STIM1: variants seen among roughly 807,000 people sequenced by gnomAD.
STIM1 encodes the protein stromal interaction molecule 1.
STIM1 carries 25 observed loss-of-function variants against 74.7 expected under a neutral mutation model. The ratio of observed to expected loss-of-function variants is 0.33; its 90% confidence interval spans 0.24 to 0.47. The LOEUF (loss-of-function observed/expected upper bound fraction) is 0.47, where lower values mean the gene tolerates loss of function less well. Ranked by LOEUF, STIM1 falls within the 20% of genes least tolerant of loss-of-function variation. The probability of loss-of-function intolerance (pLI) is 1.00; values close to 1 mark genes in which losing one functional copy is unlikely to be tolerated. For synonymous variants in STIM1, 328 were observed against 348.8 expected, an observed-to-expected ratio of 0.94 and a Z score of 0.66; for missense variants, 728 against 920.8, an observed-to-expected ratio of 0.79 and a Z score of 2.71.
chr11:3,961,589 A>T (rs1189357566), intron 1 of STIM1: 1 of 148,116 alleles, frequency 6.8e-6, no homozygotes, highest in Non-Finnish European at 1.5e-5. Context: ...GCTCACTGCA[A>T]CCTCCACCTC....
intron 1 of STIM1, among the ~76,000 whole-genome samples, chr11:3,922,868 C>T (rs1044590559): frequency 3.3e-5 from 5 of 151,976 alleles, no homozygotes; most frequent in African/African-American, 7.2e-5. Context: ...GAGGCTGAGG[C>T]GGGCGGATCA....
At chr11:3,931,428 T>C (rs1436230930) in intron 1 of STIM1, among the ~76,000 whole-genome samples, 1 of 152,172 alleles carries the variant, frequency 6.6e-6, no homozygotes, top group Non-Finnish European at 1.5e-5. Context: ...AGTAGTGATG[T>C]CACTCCTTGG....
intron 7 of STIM1, among the ~76,000 whole-genome samples, chr11:4,075,439 T>A (rs2094432328): frequency 6.6e-6 from 1 of 152,212 alleles, no homozygotes; most frequent in Non-Finnish European, 1.5e-5. Flanking sequence ...GTAAACCAGA[T>A]TAGTTTTGTC....
At chr11:3,876,816 C>T (rs1259966871) in intron 1 of STIM1, among the ~76,000 whole-genome samples, 1 of 152,050 alleles carries the variant, frequency 6.6e-6, no homozygotes, top group South Asian at 2.1e-4. Flanking sequence ...GAATGAAAAC[C>T]CCATAAAGAT....
At chr11:3,885,309 G>C (rs1178103910) in intron 1 of STIM1, among the ~76,000 whole-genome samples, 1 of 151,860 alleles carries the variant, frequency 6.6e-6, no homozygotes, top group East Asian at 1.9e-4. Flanking sequence ...CTCCCAAGTA[G>C]CTGGGGCTAT....
Position 3,856,400 on chromosome 11 carries a change from A to G in STIM1, c.130A>G (p.Thr44Ala). 6.2e-7 allele frequency: 1 copy of G among 1,614,054 alleles called. No individual in the cohort carries two copies. Among genetic ancestry groups the G allele is most frequent in the Non-Finnish European group, 8.5e-7 (1 of 1,180,010 alleles). Residue 44 changes from threonine (T) to alanine (A), a missense_variant, in exon 1 of 13, where the codon ACT becomes GCT. Physicochemically the swap from Thr to Ala is moderately conservative, Grantham distance 58. This residue lies in a region of STIM1 where 62 missense variants were observed against 55.5 expected (regional missense o/e 1.12). Transcript: ENST00000526596. ...CTCGGGGGCCAACTCTGAGGAGTCC[A>G]CTGCAGCAGGTAAGGCCTTGCTGCG... ...TSSGANSEES[T>A]AAEFCRIDKP...
chr11:4,022,354 A>C (rs1000880118), intron 2 of STIM1, among the ~76,000 whole-genome samples: 1 of 150,942 alleles, frequency 6.6e-6, no homozygotes, highest in Non-Finnish European at 1.5e-5. Flanking sequence ...AAAAAAAAAA[A>C]AAGAGAGAAG....
chr11:3,948,358 CT>C (rs2093105101), intron 1 of STIM1, among the ~76,000 whole-genome samples: 1 of 151,842 alleles, frequency 6.6e-6, no homozygotes, highest in African/African-American at 2.4e-5. Flanking sequence ...CTTATCTTTT[CT>C]TTTTTTAATA....
chr11:4,009,728 C>G (rs1336023298), intron 2 of STIM1, among the ~76,000 whole-genome samples: 2 of 152,114 alleles, frequency 1.3e-5, no homozygotes, highest in African/African-American at 4.8e-5. Context: ...AGTCCCTTAG[C>G]TCTCACTCTC....
rs897792264 is a variant in STIM1 at position 4,092,751 on chromosome 11, A to G, written c.*953A>G. 4 of 152,202 alleles carry G rather than the reference A, an allele frequency of 2.6e-5. No homozygotes were observed. The highest frequency in any genetic ancestry group is 7.2e-5 in the African/African-American group (3 of 41,442). 9.4% of individuals were successfully genotyped at this position (152,202 alleles called of 1,614,324 possible). On this transcript the variant is annotated 3_prime_UTR_variant, in exon 13 of 13. Transcript: ENST00000526596. ...AGGATGCTGTCATTTTTTGAACCAAAAGACAAACAGGTTAAAAGGAAAAAA... is the reference window on the plus strand; with the variant it reads ...AGGATGCTGTCATTTTTTGAACCAAGAGACAAACAGGTTAAAAGGAAAAAA...
At chr11:3,876,845 A>C (rs1399021857) in intron 1 of STIM1, among the ~76,000 whole-genome samples, 2 of 152,180 alleles carry the variant, frequency 1.3e-5, no homozygotes, top group East Asian at 1.9e-4. Flanking sequence ...TGTCTGTCTC[A>C]TGCACTGTTA....
rs1459724218 is a variant in STIM1, at chr11:3,898,141, G to A, written c.139+41732G>A. Among the ~76,000 whole-genome samples the A allele has an allele frequency of 2.0e-5, 3 of 151,904 alleles. No individual in the cohort carries two copies. The East Asian group carries it at 5.8e-4, about 29-fold the overall frequency. ...TTATAGTCCCACCAACAGTGTAAGA[G>A]TGTTCCTATTTCTCCACATCCTCTC... On this transcript the variant is annotated intron_variant, in intron 1 of 12. Coordinates refer to ENST00000526596, the MANE Select transcript of STIM1 (RefSeq NM_001382567.1).
intron 1 of STIM1, among the ~76,000 whole-genome samples, chr11:3,944,388 A>G (rs1397245946): frequency 6.6e-6 from 1 of 152,156 alleles, no homozygotes; most frequent in East Asian, 1.9e-4. Context: ...TGATTGAATC[A>G]CTGGCCTCTG....
At chr11:3,933,038 G>A (rs1482984353) in intron 1 of STIM1, among the ~76,000 whole-genome samples, 1 of 152,192 alleles carries the variant, frequency 6.6e-6, no homozygotes, top group Non-Finnish European at 1.5e-5. Context: ...TGTCCTTGGT[G>A]TCTCATATTT....
intron 2 of STIM1, among the ~76,000 whole-genome samples, chr11:4,010,081 C>A (rs1198916851): frequency 6.6e-6 from 1 of 152,072 alleles, no homozygotes; most frequent in Non-Finnish European, 1.5e-5. Flanking sequence ...TCCCAAAGTG[C>A]TGGGATTGAA....
chr11:4,062,598 G>A (rs1032036180), intron 5 of STIM1, among the ~76,000 whole-genome samples: 1 of 152,158 alleles, frequency 6.6e-6, no homozygotes, highest in African/African-American at 2.4e-5. Flanking sequence ...CTCCAGCCTG[G>A]GTGACAGGGT....
In STIM1 at chr11:4,093,193, T is replaced by C. The variant is rs199698201; in HGVS notation, c.*1395T>C. 7.2e-5 allele frequency: 11 copies of C among 152,640 alleles called. No homozygotes were observed. Among genetic ancestry groups the C allele is most frequent in the Non-Finnish European group, 1.3e-4 (9 of 68,040 alleles). 9.5% of individuals were successfully genotyped at this position (152,640 alleles called of 1,614,324 possible). On this transcript the variant is annotated 3_prime_UTR_variant, in exon 13 of 13. Coordinates refer to ENST00000526596, the MANE Select transcript of STIM1 (RefSeq NM_001382567.1). ...ATTCTTTGAAGTCCAATAAAGCATG[T>C]AGGAGATTTTAACCACTGCTGGCTT...
chr11:3,975,016 C>T (rs1044116099), intron 2 of STIM1, among the ~76,000 whole-genome samples: 6 of 152,120 alleles, frequency 3.9e-5, no homozygotes, highest in African/African-American at 1.4e-4. Flanking sequence ...TTATTTAATA[C>T]ATATTAAAGC....
intron 1 of STIM1, among the ~76,000 whole-genome samples, chr11:3,902,316 G>A (rs985517372): frequency 5.9e-5 from 9 of 152,188 alleles, no homozygotes; most frequent in African/African-American, 2.2e-4. Flanking sequence ...AGAAGCTTGG[G>A]AGGCATTTAG....
Sources: gnomAD v4.1 joint callset for allele counts (sites outside exome capture counted in the v4.1 genomes callset) on GRCh38, gnomAD v4.1.1 for gene constraint, gnomAD v4.1.1 regional missense constraint, MANE v1.5 for transcripts, NCBI Gene and HGNC (gene_info 2026-07-23, HGNC 2026-07-21) for gene names.